PAK2: variants seen among roughly 807,000 people sequenced by gnomAD.
PAK2 encodes serine/threonine-protein kinase PAK 2.
In PAK2, 21 loss-of-function variants were observed where a neutral mutation model predicts 65.9. The observed-to-expected ratio is 0.32, with a 90% CI of 0.23 to 0.46. The LOEUF (loss-of-function observed/expected upper bound fraction) is 0.46. PAK2 is among the 20% of genes least tolerant of loss of function. The pLI is 1.00. For missense variants in PAK2, 324 were observed against 642.6 expected (o/e 0.50, Z 5.36); for synonymous variants, 204 against 219.7 (o/e 0.93, Z 0.63).
chr3:196,743,467 G>A (rs534334314), intron 1 of PAK2, among the ~76,000 whole-genome samples: 18 of 152,140 alleles, frequency 1.2e-4, no homozygotes, highest in Non-Finnish European at 2.5e-4. Context: ...GCAGGTAAAG[G>A]ATTCTGTAAT....
intron 2 of PAK2, among the ~76,000 whole-genome samples, chr3:196,801,452 A>G (rs150299154): frequency 3.3e-5 from 5 of 152,262 alleles, no homozygotes; most frequent in African/African-American, 1.2e-4. Flanking sequence ...CTAGTTTCCT[A>G]TCAGCCAGTT....
At chr3:196,809,939 T>G (rs1577738520) in intron 7 of PAK2, among the ~76,000 whole-genome samples, 1 of 152,030 alleles carries the variant, frequency 6.6e-6, no homozygotes, top group East Asian at 1.9e-4. Flanking sequence ...CTTCCTAATT[T>G]TAAAACCTCT....
chr3:196,786,829 T>C (rs1020586613), intron 2 of PAK2, among the ~76,000 whole-genome samples: 2 of 151,766 alleles, frequency 1.3e-5, no homozygotes, highest in Non-Finnish European at 2.9e-5. Flanking sequence ...TTACAATCTT[T>C]TTTTTTTTTT....
intron 7 of PAK2, among the ~76,000 whole-genome samples, chr3:196,808,574 A>C (rs970715746): frequency 1.4e-5 from 2 of 143,160 alleles, no homozygotes; most frequent in Admixed American, 1.4e-4. Flanking sequence ...AAAAAAAAAA[A>C]AGCGAACCGG....
At chr3:196,749,110 T>C (rs1165690908) in intron 1 of PAK2, among the ~76,000 whole-genome samples, 1 of 151,978 alleles carries the variant, frequency 6.6e-6, no homozygotes, top group Admixed American at 6.6e-5. Context: ...AGTATTCCCA[T>C]GTGTGTATTT....
At chr3:196,740,998 C>G (rs1467666006) in intron 1 of PAK2, among the ~76,000 whole-genome samples, 2 of 152,198 alleles carry the variant, frequency 1.3e-5, no homozygotes, top group African/African-American at 4.8e-5. Context: ...AGTACTCTCC[C>G]TGGGCAGTGT....
At chr3:196,808,689 C>T (rs1171068193) in intron 7 of PAK2, among the ~76,000 whole-genome samples, 1 of 151,696 alleles carries the variant, frequency 6.6e-6, no homozygotes, top group Non-Finnish European at 1.5e-5. Context: ...GTGGCAAAAC[C>T]CCATCTCTAC....
At position 196,791,277 on chromosome 3, in the gene PAK2, A is replaced by G. The variant is rs528304830; in HGVS notation, c.187+8444A>G. 6.6e-6 allele frequency among the ~76,000 whole-genome samples: 1 copy of G among 152,194 alleles called. No homozygotes were observed. The highest frequency in any genetic ancestry group is 6.5e-5 in the Admixed American group (1 of 15,276). ...ATCCTTTCCTTTTCCCATTGAGACT[A>G]TTAAAATACAGAGAGTACCTGTATG... On this transcript the variant is annotated intron_variant, in intron 2 of 14. Transcript: ENST00000327134. The surrounding 1 kb of genome is among the most constrained non-coding windows in gnomAD (Gnocchi z 4.0).
intron 1 of PAK2, among the ~76,000 whole-genome samples, chr3:196,769,620 G>A (rs1341048947): frequency 1.4e-5 from 2 of 147,764 alleles, no homozygotes; most frequent in African/African-American, 2.5e-5. Context: ...GACTGTCCTG[G>A]CTAACACGGT....
chr3:196,788,348 C>A (rs1333002797), intron 2 of PAK2, among the ~76,000 whole-genome samples: 1 of 152,078 alleles, frequency 6.6e-6, no homozygotes, highest in South Asian at 2.1e-4. Context: ...AAATTTACAT[C>A]CCTTACTGCT....
intron 2 of PAK2, among the ~76,000 whole-genome samples, chr3:196,800,485 A>G (rs934634566): frequency 1.3e-5 from 2 of 152,236 alleles, no homozygotes; most frequent in Non-Finnish European, 1.5e-5. Context: ...TGTAGAAATT[A>G]ATAAGCTTAT....
intron 2 of PAK2, among the ~76,000 whole-genome samples, chr3:196,796,818 A>G (rs563969353): frequency 6.6e-6 from 1 of 152,338 alleles, no homozygotes; most frequent in Admixed American, 6.5e-5. Flanking sequence ...TTTAGAGCTA[A>G]AAAATACTAT....
intron 8 of PAK2, 66 bp from the exon 9 acceptor site, chr3:196,812,153 C>G (rs1044390492): frequency 4.5e-6 from 4 of 893,872 alleles, no homozygotes; most frequent in African/African-American, 3.3e-5. Context: ...AGTGTAAAGT[C>G]TTTGGATATT....
rs571667359 is a variant in PAK2 at position 196,814,157 on chromosome 3, C to T, written c.936-294C>T. ...CCTCTCCAAGCCTTTGTCTGTTTAT[C>T]TCTAAAACAGGACTAGTAATTTCTA... On this transcript the variant is annotated intron_variant, in intron 10 of 14. Transcript: ENST00000327134. Among the ~76,000 whole-genome samples, 8 of 152,192 alleles carry T rather than the reference C, an allele frequency of 5.3e-5. No individual in the cohort carries two copies. In the East Asian group the frequency reaches 1.5e-3, roughly 29 times the overall value.
intron 4 of PAK2, among the ~76,000 whole-genome samples, chr3:196,804,389 GT>G (rs560895943): frequency 2.0e-5 from 3 of 152,126 alleles, no homozygotes; most frequent in Non-Finnish European, 4.4e-5. Flanking sequence ...AAAAACCAAT[GT>G]TTGACCACAA....
intron 7 of PAK2, 67 bp from the exon 8 acceptor site, chr3:196,810,523 T>A (rs778494587): frequency 1.2e-6 from 1 of 830,848 alleles, no homozygotes; most frequent in Non-Finnish European, 2.1e-6. Flanking sequence ...TTAAAAGGAA[T>A]AATAATATCA....
At chr3:196,811,510 G>C (rs1044027840) in intron 8 of PAK2, among the ~76,000 whole-genome samples, 1 of 144,252 alleles carries the variant, frequency 6.9e-6, no homozygotes, top group African/African-American at 2.6e-5. Context: ...GCCTCCCAAA[G>C]TGTTGGGATT....
At chr3:196,790,144 A>T (rs1715022875) in intron 2 of PAK2, among the ~76,000 whole-genome samples, 1 of 152,250 alleles carries the variant, frequency 6.6e-6, no homozygotes. Context: ...TTATGGTTAG[A>T]CTAGAAACAG....
intron 1 of PAK2, among the ~76,000 whole-genome samples, chr3:196,761,839 C>G (rs1381282574): frequency 1.3e-5 from 2 of 148,480 alleles, no homozygotes; most frequent in South Asian, 4.3e-4. Flanking sequence ...GGGGCTGACC[C>G]CCCCCCACCT....
Sources: gnomAD v4.1 joint callset for allele counts (sites outside exome capture counted in the v4.1 genomes callset) on GRCh38, gnomAD v4.1.1 for gene constraint, Gnocchi (gnomAD v3.1) non-coding constraint, MANE v1.5 for transcripts, NCBI Gene and HGNC (gene_info 2026-07-23, HGNC 2026-07-21) for gene names.